Variants in MTREX observed in about 807,000 individuals in gnomAD.
The protein encoded by MTREX is exosome RNA helicase MTR4.
MTREX carries 76 observed loss-of-function variants against 135.4 expected under a neutral mutation model. That is an observed-to-expected ratio of 0.56 (90% CI 0.47 to 0.68). The LOEUF (loss-of-function observed/expected upper bound fraction) is 0.68, where lower values mean the gene tolerates loss of function less well. MTREX is among the 30% of genes least tolerant of loss of function. MTREX has a pLI of 0.00. For synonymous variants in MTREX, 404 were observed against 401.6 expected (o/e 1.01, Z -0.07); for missense variants, 920 against 1,262.1 (o/e 0.73, Z 4.11).
chr5:55,375,799 A>G (rs1214822188), intron 16 of MTREX, among the ~76,000 whole-genome samples: 2 of 152,196 alleles, frequency 1.3e-5, no homozygotes, highest in Non-Finnish European at 1.5e-5. Context: ...AGAAATTACA[A>G]AAGTATTAAT....
At chr5:55,390,993 C>G (rs918814774) in intron 19 of MTREX, among the ~76,000 whole-genome samples, 2 of 152,102 alleles carry the variant, frequency 1.3e-5, no homozygotes, top group Non-Finnish European at 2.9e-5. Flanking sequence ...AGGATATTTT[C>G]TATTAATTAC....
At chr5:55,423,910 A>T (rs999082617) in intron 26 of MTREX, 4 of 152,214 alleles carry the variant, frequency 2.6e-5, no homozygotes, top group Admixed American at 2.6e-4. Flanking sequence ...TCCACAGTTG[A>T]TAAATGTAGG....
rs538398841 is a variant in MTREX, at chr5:55,348,239, G to A, written c.1240+1095G>A. Among the ~76,000 whole-genome samples the A allele has an allele frequency of 3.3e-4, 50 of 152,222 alleles. No individual in the cohort carries two copies. The East Asian group carries it at 8.5e-3, about 26-fold the overall frequency. ...GGGCAGGAGAGCATGCAAGAGAGAG[G>A]GTGGGAGAAGGGGGCTGAACTCATC... On this transcript the variant is annotated intron_variant, in intron 11 of 26. Transcript: ENST00000230640.
intron 25 of MTREX, among the ~76,000 whole-genome samples, chr5:55,419,269 T>C (rs1474374830): frequency 3.3e-5 from 5 of 152,220 alleles, no homozygotes; most frequent in Non-Finnish European, 5.9e-5. Context: ...GCAAACCATA[T>C]TTGTTCCTAA....
chr5:55,339,187 T>C (rs1749603593), intron 5 of MTREX, among the ~76,000 whole-genome samples: 1 of 152,210 alleles, frequency 6.6e-6, no homozygotes, highest in Admixed American at 6.5e-5. Flanking sequence ...TTCCTACATA[T>C]GGTCATACTT....
In MTREX at chr5:55,362,825, G is replaced by A. The variant is rs148755896; in HGVS notation, c.1660-3900G>A. Among the ~76,000 whole-genome samples the A allele has an allele frequency of 1.4e-3, 208 of 152,166 alleles. 2 individuals carry two copies. The Middle Eastern group carries it at 0.024, about 18-fold the overall frequency. On this transcript the variant is annotated intron_variant, in intron 15 of 26. Transcript: ENST00000230640. Reference sequence around the variant, plus strand: ...GTGAATGCATCTTTTATTTGTTAGCGGTTAGGTATTATATTTTTCCAGTAT... The same window carrying A: ...GTGAATGCATCTTTTATTTGTTAGCAGTTAGGTATTATATTTTTCCAGTAT...
intron 19 of MTREX, among the ~76,000 whole-genome samples, chr5:55,396,372 A>G (rs188103856): frequency 6.1e-4 from 93 of 152,332 alleles, no homozygotes; most frequent in African/African-American, 2.0e-3. Context: ...CTTAGATCTT[A>G]CAACATTATA....
In MTREX at chr5:55,386,152, A is replaced by G. The variant is rs148299604; in HGVS notation, c.2053-1822A>G. ...AAGAAAACTGTTAGAAGCATTTTAA[A>G]TAAATAAAAATGTAATTGTAATTGT... On this transcript the variant is annotated intron_variant, in intron 18 of 26. Coordinates refer to ENST00000230640, the MANE Select transcript of MTREX (RefSeq NM_015360.5). Among the ~76,000 whole-genome samples, 56 of 152,322 alleles carry G rather than the reference A, an allele frequency of 3.7e-4. No individual in the cohort carries two copies. In the South Asian group the frequency reaches 6.2e-3, roughly 17 times the overall value.
chr5:55,380,561 C>T (rs1210192292), intron 18 of MTREX, among the ~76,000 whole-genome samples: 2 of 152,034 alleles, frequency 1.3e-5, no homozygotes, highest in Non-Finnish European at 2.9e-5. Flanking sequence ...ATTTTGTATT[C>T]TGATATGATA....
intron 25 of MTREX, among the ~76,000 whole-genome samples, chr5:55,418,579 GTTT>G (rs1346558871): frequency 6.6e-6 from 1 of 151,556 alleles, no homozygotes; most frequent in Non-Finnish European, 1.5e-5. Context: ...GAGAAATCCA[GTTT>G]TTTAGCTCTA....
At chr5:55,372,891 A>G (rs1230379879) in intron 16 of MTREX, among the ~76,000 whole-genome samples, 1 of 90,524 alleles carries the variant, frequency 1.1e-5, no homozygotes, top group Non-Finnish European at 2.3e-5. Context: ...TTAAAACTGT[A>G]ATGTGTGTGT....
At chr5:55,349,274 C>A (rs1373547513) in intron 11 of MTREX, among the ~76,000 whole-genome samples, 3 of 151,420 alleles carry the variant, frequency 2.0e-5, no homozygotes, top group Non-Finnish European at 4.4e-5. Flanking sequence ...GCAGCCTCAG[C>A]CTCCTGGGCT....
At chr5:55,387,225 T>C (rs1554033900) in intron 18 of MTREX, among the ~76,000 whole-genome samples, 1 of 152,134 alleles carries the variant, frequency 6.6e-6, no homozygotes, top group Non-Finnish European at 1.5e-5. Context: ...GAAATATGTT[T>C]TATTCTTGTT....
chr5:55,396,522 C>A (rs1750649680), intron 19 of MTREX, among the ~76,000 whole-genome samples: 1 of 152,104 alleles, frequency 6.6e-6, no homozygotes, highest in South Asian at 2.1e-4. Context: ...AAACACCCCA[C>A]CCCAAAAACT....
At chr5:55,315,860 GA>G (rs11341721) in intron 1 of MTREX, among the ~76,000 whole-genome samples, 1,829 of 96,826 alleles carry the variant, frequency 0.019, 27 homozygotes, top group African/African-American at 0.057. Context: ...GACCCAACTT[GA>G]AAAAAAAAAA....
chr5:55,313,190 A>G (rs777857847), intron 1 of MTREX, among the ~76,000 whole-genome samples: 1 of 151,022 alleles, frequency 6.6e-6, no homozygotes, highest in South Asian at 2.1e-4. Flanking sequence ...TAATCCCAGC[A>G]CTTTCGGAGG....
At chr5:55,367,588 T>A (rs1305632033) in intron 16 of MTREX, among the ~76,000 whole-genome samples, 1 of 152,176 alleles carries the variant, frequency 6.6e-6, no homozygotes, top group Admixed American at 6.5e-5. Flanking sequence ...TAGGGAAATA[T>A]AATGCTTTAA....
At chr5:55,313,560 G>A (rs1341660309) in intron 1 of MTREX, among the ~76,000 whole-genome samples, 6 of 152,254 alleles carry the variant, frequency 3.9e-5, no homozygotes, top group Admixed American at 2.0e-4. Context: ...ATGCAATTGT[G>A]GTTCTTTTTG....
At chr5:55,349,167 T>A (rs1387123854) in intron 11 of MTREX, among the ~76,000 whole-genome samples, 1 of 151,846 alleles carries the variant, frequency 6.6e-6, no homozygotes, top group Non-Finnish European at 1.5e-5. Context: ...ACCTCTTTAC[T>A]TTTGCTCTTT....
Sources: gnomAD v4.1 joint callset for allele counts (sites outside exome capture counted in the v4.1 genomes callset) on GRCh38, gnomAD v4.1.1 for gene constraint, MANE v1.5 for transcripts, NCBI Gene and HGNC (gene_info 2026-07-23, HGNC 2026-07-21) for gene names.